DLG2: variants seen among roughly 807,000 people sequenced by gnomAD.
The protein encoded by DLG2 is discs large MAGUK scaffold protein 2.
A neutral mutation model predicts 132.5 loss-of-function variants in DLG2; 45 were observed. The observed-to-expected ratio is 0.34, with a 90% confidence interval of 0.27 to 0.44. The LOEUF is 0.44. Among genes scored for constraint, DLG2 ranks in the 20% least tolerant of loss-of-function variants. The pLI is 1.00. For synonymous variants in DLG2, 424 were observed against 419.6 expected, an observed-to-expected ratio of 1.01 and a Z score of -0.13; for missense variants, 1,045 against 1,196.9, an observed-to-expected ratio of 0.87 and a Z score of 1.87.
At chr11:85,004,263 T>C (rs2058453542) in intron 6 of DLG2, among the ~76,000 whole-genome samples, 1 of 152,218 alleles carries the variant, frequency 6.6e-6, no homozygotes, top group South Asian at 2.1e-4. Context: ...GCAAATGGTA[T>C]TTCTGGTTCT....
At position 83,493,659 on chromosome 11, in the gene DLG2, A is replaced by C. The variant is rs776413269; in HGVS notation, c.2194-9431T>G. Among the ~76,000 whole-genome samples, 86 of 152,074 alleles carry C rather than the reference A, an allele frequency of 5.7e-4. 2 individuals are homozygous for C. The highest frequency in any genetic ancestry group is 2.5e-4 in the Non-Finnish European group (17 of 68,010). ...ATCTTTTACTTGACTGTCTTCTACT[A>C]AACTGTAGACTGGCTCCTTAAGTAA... On this transcript the variant is annotated intron_variant, in intron 21 of 27. Coordinates refer to ENST00000376104, the MANE Select transcript of DLG2 (RefSeq NM_001142699.3).
intron 3 of DLG2, among the ~76,000 whole-genome samples, chr11:85,486,375 A>G (rs1321802686): frequency 6.6e-6 from 1 of 152,230 alleles, no homozygotes; most frequent in East Asian, 1.9e-4. Context: ...CAAAGCCCAC[A>G]GGGAACATTC....
chr11:84,069,800 C>A (rs974747018), intron 10 of DLG2, among the ~76,000 whole-genome samples: 1 of 152,124 alleles, frequency 6.6e-6, no homozygotes, highest in African/African-American at 2.4e-5. Context: ...AAGCAGAGGC[C>A]AGTAACAAAT....
At chr11:84,937,515 T>G (rs1051310180) in intron 6 of DLG2, among the ~76,000 whole-genome samples, 1 of 152,024 alleles carries the variant, frequency 6.6e-6, no homozygotes, top group Admixed American at 6.6e-5. Context: ...TACTTGACAG[T>G]GAGAAGGCAA....
At chr11:83,723,602 C>A (rs2089273978) in intron 18 of DLG2, among the ~76,000 whole-genome samples, 1 of 152,260 alleles carries the variant, frequency 6.6e-6, no homozygotes, top group African/African-American at 2.4e-5. Context: ...CGCCTGTAAT[C>A]TCAGCACTTT....
At chr11:85,185,795 AT>A (rs2152520952) in intron 4 of DLG2, among the ~76,000 whole-genome samples, 1 of 151,984 alleles carries the variant, frequency 6.6e-6, no homozygotes, top group African/African-American at 2.4e-5. Context: ...CATATTAAGC[AT>A]TATCTGTATG....
chr11:85,621,784 G>A (rs1165700515), intron 2 of DLG2, among the ~76,000 whole-genome samples: 1 of 152,244 alleles, frequency 6.6e-6, no homozygotes, highest in African/African-American at 2.4e-5. Flanking sequence ...TCTACTTCCA[G>A]TGAAGATGTT....
rs77773352 is a variant in DLG2, at chr11:83,966,892, C to T, written c.1057-1424G>A. ...TTTTATCCTTTCATCTGTATCTCCC[C>T]ATTTTCCACCTCCCCCTGTAACCAC... On this transcript the variant is annotated intron_variant, in intron 12 of 27. Coordinates refer to ENST00000376104, the MANE Select transcript of DLG2 (RefSeq NM_001142699.3). Among the ~76,000 whole-genome samples, 756 of 152,130 alleles carry T rather than the reference C, an allele frequency of 5.0e-3. 4 individuals carry two copies. Among genetic ancestry groups the T allele is most frequent in the African/African-American group, 0.018 (737 of 41,544 alleles).
intron 9 of DLG2, among the ~76,000 whole-genome samples, chr11:84,149,852 G>T (rs1023625876): frequency 1.3e-5 from 2 of 151,986 alleles, no homozygotes; most frequent in East Asian, 3.9e-4. Flanking sequence ...CCACCTCCCG[G>T]GTTCAAGTGA....
intron 16 of DLG2, among the ~76,000 whole-genome samples, chr11:83,851,884 A>G (rs551472109): frequency 1.1e-3 from 169 of 151,724 alleles, no homozygotes; most frequent in Non-Finnish European, 2.1e-3. Flanking sequence ...GTGCCACTGA[A>G]CTCCAGCCTG....
chr11:84,734,397 G>A (rs1414525827), intron 6 of DLG2, among the ~76,000 whole-genome samples: 2 of 152,102 alleles, frequency 1.3e-5, no homozygotes, highest in Non-Finnish European at 2.9e-5. Context: ...TCTCTTTGAA[G>A]CAATTGTGAA....
chr11:84,303,301 C>A (rs984499417), intron 7 of DLG2, among the ~76,000 whole-genome samples: 11 of 152,056 alleles, frequency 7.2e-5, no homozygotes, highest in African/African-American at 2.4e-4. Context: ...TCATGGATAA[C>A]TAACTATAAT....
At chr11:85,028,477 T>G (rs558868845) in intron 6 of DLG2, among the ~76,000 whole-genome samples, 2 of 152,214 alleles carry the variant, frequency 1.3e-5, no homozygotes, top group South Asian at 2.1e-4. Flanking sequence ...CCATTGATCA[T>G]GTCGTCCACA....
At chr11:84,703,857 G>T (rs933603047) in intron 6 of DLG2, among the ~76,000 whole-genome samples, 13 of 102,680 alleles carry the variant, frequency 1.3e-4, no homozygotes, top group South Asian at 3.5e-4. Context: ...ATGTAGTGAA[G>T]ATATATATAT....
rs967904447 is a variant in DLG2 at position 84,038,076 on chromosome 11, A to G, written c.919+21239T>C. Among the ~76,000 whole-genome samples, 9 of 151,890 alleles carry G rather than the reference A, an allele frequency of 5.9e-5. 1 individual carries two copies. Among genetic ancestry groups the G allele is most frequent in the Admixed American group, 3.3e-4 (5 of 15,192 alleles). The stretch of plus-strand genomic sequence containing the variant: ...AGATTATTTCATCACCCAGGTATTA[A>G]GCATAGTGCCCATTAGTTATTTTTC... On this transcript the variant is annotated intron_variant, in intron 11 of 27. Coordinates refer to ENST00000376104, the MANE Select transcript of DLG2 (RefSeq NM_001142699.3).
chr11:83,996,019 T>C (rs939336004), intron 11 of DLG2, among the ~76,000 whole-genome samples: 4 of 151,870 alleles, frequency 2.6e-5, no homozygotes, highest in African/African-American at 9.7e-5. Flanking sequence ...AAGGAAACAA[T>C]CAACAAAGTG....
At chr11:85,393,211 CAT>C (rs1161301198) in intron 3 of DLG2, among the ~76,000 whole-genome samples, 1 of 152,034 alleles carries the variant, frequency 6.6e-6, no homozygotes, top group African/African-American at 2.4e-5. Flanking sequence ...GGCCAACAAA[CAT>C]ATGAAAAAAT....
intron 5 of DLG2, among the ~76,000 whole-genome samples, chr11:85,147,786 T>A (rs191600895): frequency 6.6e-6 from 1 of 152,194 alleles, no homozygotes; most frequent in Non-Finnish European, 1.5e-5. Context: ...AGACGCAGAA[T>A]GTGCAGATTT....
intron 7 of DLG2, among the ~76,000 whole-genome samples, chr11:84,308,458 CCA>C (rs943976302): frequency 1.3e-5 from 2 of 152,206 alleles, no homozygotes; most frequent in African/African-American, 4.8e-5. Flanking sequence ...CTCCAAGTCC[CCA>C]CCAGAGTCAG....
Sources: gnomAD v4.1 joint callset for allele counts (sites outside exome capture counted in the v4.1 genomes callset) on GRCh38, gnomAD v4.1.1 for gene constraint, MANE v1.5 for transcripts, NCBI Gene and HGNC (gene_info 2026-07-23, HGNC 2026-07-21) for gene names.